RBPMS: variants seen among roughly 807,000 people sequenced by gnomAD.
RBPMS encodes the protein RNA binding protein, mRNA processing factor.
A neutral mutation model predicts 26.8 loss-of-function variants in RBPMS; 7 were observed. The ratio of observed to expected loss-of-function variants is 0.26; its 90% CI spans 0.15 to 0.49. The LOEUF is 0.49. RBPMS is among the 20% of genes least tolerant of loss of function. The probability of loss-of-function intolerance (pLI) is 0.98; values close to 1 mark genes in which losing one functional copy is unlikely to be tolerated. For missense variants in RBPMS, 186 were observed against 250.0 expected (o/e 0.74, Z 1.73); for synonymous variants, 96 against 93.3 (o/e 1.03, Z -0.17).
At chr8:30,521,052 A>G (rs1332901327) in intron 5 of RBPMS, among the ~76,000 whole-genome samples, 1 of 152,262 alleles carries the variant, frequency 6.6e-6, no homozygotes, top group African/African-American at 2.4e-5. Flanking sequence ...TAAGATAAAC[A>G]TAAAACAGAC....
intron 1 of RBPMS, among the ~76,000 whole-genome samples, chr8:30,421,679 G>A (rs1363438713): frequency 2.0e-5 from 3 of 152,118 alleles, no homozygotes; most frequent in African/African-American, 4.8e-5. Context: ...TTTACTGGCC[G>A]GGCATGGTGG....
chr8:30,512,032 T>A (rs1821773038), intron 5 of RBPMS, among the ~76,000 whole-genome samples: 2 of 152,064 alleles, frequency 1.3e-5, no homozygotes, highest in Admixed American at 6.6e-5. Context: ...GGAGATAAAA[T>A]TTTCAGTCCA....
At chr8:30,551,158 TC>T (rs1443842201) in intron 6 of RBPMS, among the ~76,000 whole-genome samples, 2 of 150,778 alleles carry the variant, frequency 1.3e-5, no homozygotes, top group Non-Finnish European at 3.0e-5. Context: ...GGTGACCCTC[TC>T]CACCTCTTCC....
intron 1 of RBPMS, among the ~76,000 whole-genome samples, chr8:30,467,307 ATAACT>A (rs1441950177): frequency 2.6e-5 from 4 of 152,232 alleles, no homozygotes; most frequent in African/African-American, 4.8e-5. Flanking sequence ...AAGTTAACAA[ATAACT>A]TAATAGATTA....
At chr8:30,545,214 G>A in intron 6 of RBPMS, 2 of 1,285,056 alleles carry the variant, frequency 1.6e-6, no homozygotes, top group Non-Finnish European at 2.0e-6. Flanking sequence ...TGGAATTACA[G>A]GTCAAGGTAG....
At chr8:30,549,473 C>T in intron 6 of RBPMS, 1 of 1,579,014 alleles carries the variant, frequency 6.3e-7, no homozygotes, top group East Asian at 2.2e-5. Flanking sequence ...AATCCTCTGA[C>T]ATTTACCTTT....
At chr8:30,431,018 C>T (rs552314173) in intron 1 of RBPMS, among the ~76,000 whole-genome samples, 16 of 152,182 alleles carry the variant, frequency 1.1e-4, no homozygotes, top group East Asian at 1.9e-4. Flanking sequence ...ATGTATGAAG[C>T]GGTTTTCAGA....
At chr8:30,541,016 T>G (rs1306010732) in intron 5 of RBPMS, among the ~76,000 whole-genome samples, 1 of 152,198 alleles carries the variant, frequency 6.6e-6, no homozygotes, top group African/African-American at 2.4e-5. Flanking sequence ...GAAGTTGCTA[T>G]GGAATATTTC....
chr8:30,409,322 T>C lies in RBPMS; in HGVS notation c.66+24164T>C, dbSNP rs148308857. Reference sequence around the variant, plus strand: ...AATTCTACTGCCTCAGCCTCCCAAGTAGCTGGGATTACAGGTGTGAACCAC... The same window carrying C: ...AATTCTACTGCCTCAGCCTCCCAAGCAGCTGGGATTACAGGTGTGAACCAC... On this transcript the variant is annotated intron_variant, in intron 1 of 8. Coordinates refer to ENST00000397323, the MANE Select transcript of RBPMS (RefSeq NM_001008710.3). 7.2e-3 allele frequency among the ~76,000 whole-genome samples: 1,088 copies of C among 152,128 alleles called. 16 individuals carry two copies. Among genetic ancestry groups the C allele is most frequent in the African/African-American group, 0.025 (1,027 of 41,500 alleles).
chr8:30,455,598 A>G (rs183836562), intron 1 of RBPMS, among the ~76,000 whole-genome samples: 7 of 152,262 alleles, frequency 4.6e-5, no homozygotes, highest in Middle Eastern at 6.8e-3. Context: ...TAATTATAAG[A>G]GACAATGCAG....
chr8:30,479,139 A>T (rs1280316337), intron 3 of RBPMS, among the ~76,000 whole-genome samples, 176 bp from the exon 4 acceptor site: 1 of 152,118 alleles, frequency 6.6e-6, no homozygotes, highest in Non-Finnish European at 1.5e-5. Flanking sequence ...TTTGATTCAT[A>T]TTAGAAATTT....
chr8:30,415,580 A>G (rs1167235216), intron 1 of RBPMS, among the ~76,000 whole-genome samples: 1 of 152,202 alleles, frequency 6.6e-6, no homozygotes, highest in Non-Finnish European at 1.5e-5. Context: ...TTTATGGATA[A>G]TCAATTATCA....
chr8:30,431,306 A>G (rs1811895941), intron 1 of RBPMS, among the ~76,000 whole-genome samples: 2 of 151,778 alleles, frequency 1.3e-5, no homozygotes, highest in African/African-American at 4.8e-5. Flanking sequence ...CCTACACCCA[A>G]TCCCCTGCAT....
Position 30,384,885 on chromosome 8 carries a change from G to A in RBPMS, c.-208G>A, listed in dbSNP as rs1388942150. ...GTCTCTCCCTTGCACTTCCTGAGTC[G>A]CCCGCCGCCGCCGTCGCAGACTCGC... On this transcript the variant is annotated 5_prime_UTR_variant, in exon 1 of 9. Transcript: ENST00000397323. This position sits in a 1 kb window ranked among gnomAD's most constrained non-coding sequence, Gnocchi z 5.6. 8 of 354,156 alleles carry A rather than the reference G, an allele frequency of 2.3e-5. No homozygotes were observed. Among genetic ancestry groups the A allele is most frequent in the South Asian group, 1.1e-4 (1 of 8,916 alleles). The allele number at this position is 354,156 out of a possible 1,614,324, so 21.9% of individuals were successfully genotyped here. A position where few individuals can be genotyped will look rare whatever the true frequency, so the allele number is the denominator to read the frequency against.
intron 8 of RBPMS, 74 bp downstream of exon 8, chr8:30,566,434 G>A (rs1827890299): frequency 1.7e-5 from 6 of 352,134 alleles, no homozygotes; most frequent in Non-Finnish European, 2.4e-5. Context: ...GGCCTCTGGG[G>A]GTGGGGTCTG....
intron 5 of RBPMS, among the ~76,000 whole-genome samples, chr8:30,514,627 C>T (rs1414218330): frequency 6.8e-6 from 1 of 146,734 alleles, no homozygotes; most frequent in African/African-American, 2.5e-5. Context: ...ACTGCAACCT[C>T]CATCTCAGCT....
chr8:30,476,012 C>T (rs1002205635), intron 2 of RBPMS, among the ~76,000 whole-genome samples: 1 of 152,104 alleles, frequency 6.6e-6, no homozygotes. Context: ...ATAAAAAGGA[C>T]CATTTTTCTA....
intron 6 of RBPMS, among the ~76,000 whole-genome samples, chr8:30,557,714 C>T (rs928382848): frequency 6.6e-6 from 1 of 152,254 alleles, no homozygotes; most frequent in Non-Finnish European, 1.5e-5. Context: ...AGCAGCACTT[C>T]TGGGCTGCTC....
At chr8:30,473,406 A>G (rs542152381) in intron 1 of RBPMS, among the ~76,000 whole-genome samples, 1 of 152,238 alleles carries the variant, frequency 6.6e-6, no homozygotes, top group South Asian at 2.1e-4. Context: ...TGTACCCTAC[A>G]CTTTGCACTA....
Sources: allele counts gnomAD v4.1 joint callset (sites outside exome capture counted in the v4.1 genomes callset), GRCh38; gene constraint gnomAD v4.1.1; non-coding constraint Gnocchi (gnomAD v3.1); transcripts MANE v1.5; gene names NCBI Gene and HGNC (gene_info 2026-07-23, HGNC 2026-07-21).